DEK: variants seen among roughly 807,000 people sequenced by gnomAD.
DEK encodes the protein protein DEK.
In DEK, 28 loss-of-function variants were observed where a neutral mutation model predicts 46.8. The observed-to-expected ratio is 0.60, with a 90% CI of 0.44 to 0.82. The LOEUF is 0.82. Ranked by LOEUF, DEK falls within the 40% of genes least tolerant of loss-of-function variation. DEK has a pLI of 0.00. For missense variants in DEK, 416 were observed against 430.6 expected, an observed-to-expected ratio of 0.97 and a Z score of 0.30; for synonymous variants, 160 against 144.5, an observed-to-expected ratio of 1.11 and a Z score of -0.77.
At chr6:18,239,362 A>AT (rs1491133804) in intron 7 of DEK, among the ~76,000 whole-genome samples, 1 of 73,566 alleles carries the variant, frequency 1.4e-5, no homozygotes, top group Non-Finnish European at 2.6e-5. Context: ...TTTTTTTTTT[A>AT]AAAAAAAGAG....
At chr6:18,247,680 T>G (rs1463666056) in intron 7 of DEK, among the ~76,000 whole-genome samples, 1 of 150,568 alleles carries the variant, frequency 6.6e-6, no homozygotes, top group East Asian at 1.9e-4. Flanking sequence ...ATGCTCTCGT[T>G]TTTTTTTTTT....
At chr6:18,246,439 G>A (rs1561984086) in intron 7 of DEK, among the ~76,000 whole-genome samples, 1 of 152,172 alleles carries the variant, frequency 6.6e-6, no homozygotes, top group Non-Finnish European at 1.5e-5. Flanking sequence ...CTCACTCACT[G>A]CATATCATAA....
chr6:18,233,978 A>G (rs1321177887), intron 9 of DEK, among the ~76,000 whole-genome samples: 2 of 152,200 alleles, frequency 1.3e-5, no homozygotes, highest in African/African-American at 4.8e-5. Context: ...AAAATGTGGC[A>G]CATATACACC....
At chr6:18,236,369 G>A (rs369124617) in intron 9 of DEK, 83 bp downstream of exon 9, 69 of 1,444,056 alleles carry the variant, frequency 4.8e-5, no homozygotes, top group Middle Eastern at 2.4e-4. Context: ...GTGAATGCAC[G>A]TAAGTATTTA....
At chr6:18,232,827 T>C (rs1467679816) in intron 9 of DEK, among the ~76,000 whole-genome samples, 1 of 152,192 alleles carries the variant, frequency 6.6e-6, no homozygotes, top group African/African-American at 2.4e-5. Flanking sequence ...TACCAATCAC[T>C]TTCTTCATAG....
chr6:18,228,490 C>A (rs567243779), intron 9 of DEK, among the ~76,000 whole-genome samples: 10,071 of 151,840 alleles, frequency 0.066, 375 homozygotes, highest in Middle Eastern at 0.13. Context: ...ACTGAGATAC[C>A]AGGTTCATCT....
At chr6:18,252,278 G>A (rs1469136059) in intron 6 of DEK, among the ~76,000 whole-genome samples, 1 of 152,090 alleles carries the variant, frequency 6.6e-6, no homozygotes, top group Admixed American at 6.5e-5. Flanking sequence ...GGGAGGCCAA[G>A]GTGAGAGGAT....
At chr6:18,229,604 G>A (rs948582760) in intron 9 of DEK, among the ~76,000 whole-genome samples, 3 of 152,168 alleles carry the variant, frequency 2.0e-5, no homozygotes, top group African/African-American at 7.2e-5. Context: ...TAGCCGATTC[G>A]ATCAACTGGA....
rs146067091 is a variant in DEK at position 18,249,943 on chromosome 6, T to C, written c.574-104A>G. The C allele has an allele frequency of 8.9e-4, 1,283 of 1,433,794 alleles. 11 individuals carry two copies. In the African/African-American group the frequency reaches 0.017, roughly 19 times the overall value. The allele number at this position is 1,433,794 out of a possible 1,614,324, so 88.8% of individuals were successfully genotyped here. On this transcript the variant is annotated intron_variant, in intron 6 of 10. Coordinates refer to ENST00000652689, the MANE Select transcript of DEK (RefSeq NM_003472.4). ...AATTTCTTATTCCTCTCTCAAGAAA[T>C]TGTATTTACAAGCCCAGCAGCTTTG...
At chr6:18,229,555 CA>C (rs1031321073) in intron 9 of DEK, among the ~76,000 whole-genome samples, 2 of 152,180 alleles carry the variant, frequency 1.3e-5, no homozygotes, top group African/African-American at 4.8e-5. Flanking sequence ...CGCTGAAAAC[CA>C]TGGCACGAGA....
intron 7 of DEK, among the ~76,000 whole-genome samples, chr6:18,246,262 T>C (rs111891632): frequency 4.6e-5 from 7 of 152,338 alleles, no homozygotes; most frequent in African/African-American, 1.4e-4. Flanking sequence ...CACCACTTCC[T>C]TCCCAATTGC....
chr6:18,233,334 A>G (rs903301079), intron 9 of DEK, among the ~76,000 whole-genome samples: 11 of 152,186 alleles, frequency 7.2e-5, no homozygotes, highest in Non-Finnish European at 1.5e-4. Flanking sequence ...TGGCAACAAA[A>G]GCCAAAATTG....
chr6:18,235,194 CCTG>C (rs1177476291), intron 9 of DEK, among the ~76,000 whole-genome samples: 2 of 152,248 alleles, frequency 1.3e-5, no homozygotes, highest in East Asian at 3.9e-4. Flanking sequence ...GCGTTATGCC[CCTG>C]CTAAATCTCA....
intron 9 of DEK, among the ~76,000 whole-genome samples, chr6:18,231,154 T>C (rs2151077987): frequency 6.6e-6 from 1 of 152,310 alleles, no homozygotes; most frequent in South Asian, 2.1e-4. Context: ...GAAATAAAGA[T>C]GTTCTTTGAA....
chr6:18,236,597 C>T lies in DEK; in HGVS notation c.902G>A (p.Ser301Asn). The T allele has an allele frequency of 4.0e-6, 6 of 1,504,088 alleles. No individual in the cohort carries two copies. Among genetic ancestry groups the T allele is most frequent in the African/African-American group, 1.5e-5 (1 of 68,758 alleles). The allele number at this position is 1,504,088 out of a possible 1,614,324, so 93.2% of individuals were successfully genotyped here. ...KKNQNSSKKE[S>N]ESEDSSDDEP... ...ATCATCTGAACTATCCTCAGACTCA[C>T]TTTCTAAAAGTAATATAATAATAAT... is the stretch of plus-strand genomic sequence containing the variant. Residue 301 changes from serine to asparagine, a missense_variant, in exon 9 of 11, where the codon AGT (serine) becomes AAT (asparagine). Transcript: ENST00000652689.
At chr6:18,228,455 A>T (rs985221216) in intron 9 of DEK, among the ~76,000 whole-genome samples, 4 of 151,912 alleles carry the variant, frequency 2.6e-5, no homozygotes, top group African/African-American at 9.7e-5. Flanking sequence ...AGCGACGCAG[A>T]AGACGGGTGA....
In DEK at chr6:18,235,348, T is replaced by C. The variant is rs1224471782; in HGVS notation, c.1047+1104A>G. 3.3e-5 allele frequency among the ~76,000 whole-genome samples: 5 copies of C among 152,344 alleles called. No individual in the cohort carries two copies. In the East Asian group the frequency reaches 9.6e-4, roughly 29 times the overall value. On this transcript the variant is annotated intron_variant, in intron 9 of 10. Coordinates refer to ENST00000652689, the MANE Select transcript of DEK (RefSeq NM_003472.4). ...TCTTTCCAATCCTAGTCTTGAGACA[T>C]GTTGAACTAATACTATTCCTTTCAA... is the stretch of plus-strand genomic sequence containing the variant.
At chr6:18,260,406 T>C (rs543644804) in intron 2 of DEK, among the ~76,000 whole-genome samples, 1 of 152,318 alleles carries the variant, frequency 6.6e-6, no homozygotes, top group Admixed American at 6.5e-5. Context: ...TCTGGACAGC[T>C]ACAATTCATG....
chr6:18,257,381 T>G (rs1482896969), intron 4 of DEK, among the ~76,000 whole-genome samples: 1 of 152,164 alleles, frequency 6.6e-6, no homozygotes, highest in East Asian at 1.9e-4. Flanking sequence ...ATTTCGTAAT[T>G]TGAAATTTCA....
Sources: allele counts gnomAD v4.1 joint callset (sites outside exome capture counted in the v4.1 genomes callset), GRCh38; gene constraint gnomAD v4.1.1; transcripts MANE v1.5; gene names NCBI Gene and HGNC (gene_info 2026-07-23, HGNC 2026-07-21).